Variants in RAI2 observed in about 807,000 individuals in gnomAD.
RAI2 encodes the protein retinoic acid induced 2.
Under a neutral mutation model 15.3 loss-of-function variants are expected in RAI2, and 5 were observed. That is an observed-to-expected ratio of 0.33 (90% CI 0.17 to 0.69). The LOEUF is 0.69. RAI2 is among the 30% of genes least tolerant of loss of function. The probability of loss-of-function intolerance (pLI) is 0.69; values close to 1 mark genes in which losing one functional copy is unlikely to be tolerated. For missense variants in RAI2, 424 were observed against 424.7 expected, an observed-to-expected ratio of 1.00 and a Z score of 0.01; for synonymous variants, 191 against 184.0, an observed-to-expected ratio of 1.04 and a Z score of -0.31.
intron 1 of RAI2, among the ~76,000 whole-genome samples, chrX:17,833,632 G>A (rs992037782): frequency 1.8e-5 from 2 of 112,198 alleles, no homozygotes; most frequent in African/African-American, 6.5e-5. Context: ...TGATTGGGAA[G>A]TGAATGTTTT....
At position 17,814,099 on chromosome X, in the gene RAI2, T is replaced by C. The variant is rs1001754915; in HGVS notation, c.-24-12065A>G. 3.6e-5 allele frequency among the ~76,000 whole-genome samples: 4 copies of C among 110,081 alleles called. No individual in the cohort carries two copies. In the South Asian group the frequency reaches 1.6e-3, roughly 44 times the overall value. Reference sequence around the variant, plus strand: ...GGGAGAAGATCCCAGACAACACCAGTAGAGGAGTGAAGTGGTGAGACAGGG... The same window carrying C: ...GGGAGAAGATCCCAGACAACACCAGCAGAGGAGTGAAGTGGTGAGACAGGG... On this transcript the variant is annotated intron_variant, in intron 1 of 1. Transcript: ENST00000451717.
chrX:17,809,313 G>A (rs904085639), intron 1 of RAI2, among the ~76,000 whole-genome samples: 2 of 111,545 alleles, frequency 1.8e-5, no homozygotes, highest in Non-Finnish European at 3.8e-5. Context: ...AGGACGGACA[G>A]TGGCTACGGG....
chrX:17,857,223 T>G (rs773641463), intron 1 of RAI2, among the ~76,000 whole-genome samples: 61 of 111,492 alleles, frequency 5.5e-4, no homozygotes, highest in African/African-American at 1.9e-3. Context: ...ATTAGCCATC[T>G]TTCCCCCTCA....
At chrX:17,846,893 C>T (rs1453583400) in intron 1 of RAI2, among the ~76,000 whole-genome samples, 1 of 112,113 alleles carries the variant, frequency 8.9e-6, no homozygotes, top group Non-Finnish European at 1.9e-5. Flanking sequence ...GCCAGGTGGA[C>T]ATAATTGAAT....
At chrX:17,810,573 G>A (rs763836685) in intron 1 of RAI2, among the ~76,000 whole-genome samples, 1 of 112,363 alleles carries the variant, frequency 8.9e-6, no homozygotes, top group South Asian at 3.7e-4. Flanking sequence ...GGCCTCCTTG[G>A]AGCCAGTGGT....
rs1404652713 is a variant in RAI2, at chrX:17,800,944, G to A, written c.1067C>T (p.Pro356Leu). The change falls in exon 2 of 2, where the codon CCC becomes CTC. Residue 356 changes from proline to leucine, a missense_variant. Transcript: ENST00000451717. ...SVAAHRKSEP[P>L]PETLYDSGAS... is the part of the protein sequence containing the mutation. Reference sequence around the variant, plus strand: ...ACCACTGTCATACAGTGTCTCAGGGGGAGGCTCGGATTTCCGGTGGGCTGC... The same window carrying A: ...ACCACTGTCATACAGTGTCTCAGGGAGAGGCTCGGATTTCCGGTGGGCTGC... 8.3e-7 allele frequency: 1 copy of A among 1,211,060 alleles called. No individual in the cohort carries two copies. Among genetic ancestry groups the A allele is most frequent in the African/African-American group, 1.7e-5 (1 of 57,669 alleles).
At chrX:17,852,591 G>T (rs1206218741) in intron 1 of RAI2, among the ~76,000 whole-genome samples, 1 of 111,528 alleles carries the variant, frequency 9.0e-6, no homozygotes, top group Non-Finnish European at 1.9e-5. Context: ...TTCCATGTAT[G>T]GGCAGGGCAT....
intron 1 of RAI2, among the ~76,000 whole-genome samples, chrX:17,808,843 G>A (rs1030408557): frequency 1.2e-4 from 14 of 112,137 alleles, no homozygotes; most frequent in African/African-American, 4.5e-4. Context: ...AAAATCACCA[G>A]CCACTCTCTA....
At chrX:17,827,571 G>A (rs867599108) in intron 1 of RAI2, among the ~76,000 whole-genome samples, 5 of 112,041 alleles carry the variant, frequency 4.5e-5, no homozygotes, top group African/African-American at 1.3e-4. Context: ...ACTGAGGCAT[G>A]CAAAGAACAG....
intron 1 of RAI2, chrX:17,860,648 G>A (rs1438900318): frequency 8.9e-6 from 1 of 112,625 alleles, no homozygotes; most frequent in East Asian, 2.8e-4. Context: ...GGCCTGGAAG[G>A]CGCCGGGTTT....
intron 1 of RAI2, among the ~76,000 whole-genome samples, chrX:17,849,386 C>T (rs746731588): frequency 8.9e-6 from 1 of 112,488 alleles, no homozygotes; most frequent in African/African-American, 3.2e-5. Flanking sequence ...CCACGCTGTA[C>T]AGAATCCCAG....
chrX:17,825,758 T>A (rs1339352441), intron 1 of RAI2, among the ~76,000 whole-genome samples: 4 of 112,796 alleles, frequency 3.5e-5, no homozygotes, highest in African/African-American at 1.3e-4. Flanking sequence ...TAAAACCAAG[T>A]AATTCCCTGA....
chrX:17,859,032 G>C (rs1238672836), intron 1 of RAI2, among the ~76,000 whole-genome samples: 7 of 111,443 alleles, frequency 6.3e-5, no homozygotes, highest in Admixed American at 2.8e-4. Flanking sequence ...GTGTATGTGG[G>C]GGTGTGGGGG....
At chrX:17,832,643 C>T (rs977525846) in intron 1 of RAI2, among the ~76,000 whole-genome samples, 5 of 112,228 alleles carry the variant, frequency 4.5e-5, no homozygotes, top group African/African-American at 9.7e-5. Flanking sequence ...CAAAGGTGGG[C>T]GTGATGCCAG....
intron 1 of RAI2, among the ~76,000 whole-genome samples, chrX:17,838,657 AG>A (rs1357499500): frequency 4.3e-5 from 4 of 92,981 alleles, no homozygotes; most frequent in African/African-American, 5.1e-5. Flanking sequence ...ACACACACAC[AG>A]CACACACACA....
At chrX:17,836,550 T>C (rs2067337227) in intron 1 of RAI2, among the ~76,000 whole-genome samples, 1 of 111,866 alleles carries the variant, frequency 8.9e-6, no homozygotes, top group African/African-American at 3.3e-5. Context: ...TGCACCATTG[T>C]AAAGGTGAAA....
intron 1 of RAI2, chrX:17,837,476 C>A (rs746203710): frequency 8.9e-6 from 1 of 112,059 alleles, no homozygotes; most frequent in Non-Finnish European, 1.9e-5. Context: ...GGCATTGGAG[C>A]CCAAAACACA....
intron 1 of RAI2, among the ~76,000 whole-genome samples, chrX:17,809,914 T>G (rs1208567835): frequency 1.8e-5 from 2 of 111,351 alleles, no homozygotes; most frequent in East Asian, 5.6e-4. Context: ...ACTACAGGTG[T>G]GTGCCACAAT....
rs781558254 is a variant in RAI2, at chrX:17,805,741, A to G, written c.-24-3707T>C. ...CCACCTCCTTCAACAGGACAGCTCC[A>G]GATCTGCCTGACTACTCAGCCAAAG... On this transcript the variant is annotated intron_variant, in intron 1 of 1. Coordinates refer to ENST00000451717, the MANE Select transcript of RAI2 (RefSeq NM_021785.6). 5.3e-5 allele frequency among the ~76,000 whole-genome samples: 6 copies of G among 112,400 alleles called. No homozygotes were observed. The East Asian group carries it at 1.7e-3, about 32-fold the overall frequency.
Sources: gnomAD v4.1 joint callset for allele counts (sites outside exome capture counted in the v4.1 genomes callset) on GRCh38, gnomAD v4.1.1 for gene constraint, MANE v1.5 for transcripts, NCBI Gene and HGNC (gene_info 2026-07-23, HGNC 2026-07-21) for gene names.